Variants in CDH23 observed in about 807,000 individuals in gnomAD.
The protein encoded by CDH23 is cadherin-23.
In CDH23, 189 loss-of-function variants were observed where a neutral mutation model predicts 317.1. The observed-to-expected ratio is 0.60, with a 90% CI of 0.53 to 0.67. The LOEUF is 0.67. Among genes scored for constraint, CDH23 ranks in the 30% least tolerant of loss-of-function variants. CDH23 has a pLI of 0.00. For synonymous variants in CDH23, 1,839 were observed against 1,876.8 expected, an observed-to-expected ratio of 0.98 and a Z score of 0.52; for missense variants, 4,401 against 4,592.4, an observed-to-expected ratio of 0.96 and a Z score of 1.20.
intron 38 of CDH23, 27 bp from the exon 39 acceptor site, chr10:71,777,653 A>G: frequency 1.3e-6 from 2 of 1,586,316 alleles, no homozygotes; most frequent in African/African-American, 1.3e-5. Context: ...CCACCTGACC[A>G]AGGACGTGAC....
intron 1 of CDH23, among the ~76,000 whole-genome samples, chr10:71,432,553 T>TGC (rs1314803597): frequency 6.6e-6 from 1 of 152,036 alleles, no homozygotes; most frequent in Non-Finnish European, 1.5e-5. Context: ...TGTGTGTGTG[T>TGC]GCTTTCAGGC....
intron 6 of CDH23, among the ~76,000 whole-genome samples, chr10:71,530,377 C>T (rs924476931): frequency 6.6e-6 from 1 of 152,218 alleles, no homozygotes; most frequent in Admixed American, 6.5e-5. Context: ...GGCCTCTCAG[C>T]AGCCGGAGTC....
At chr10:71,648,861 G>A (rs1056646768) in intron 14 of CDH23, among the ~76,000 whole-genome samples, 2 of 152,122 alleles carry the variant, frequency 1.3e-5, no homozygotes, top group Admixed American at 1.3e-4. Flanking sequence ...CAGCCCCAGG[G>A]TTTATGAAGC....
chr10:71,458,060 T>C (rs1229973031), intron 3 of CDH23, among the ~76,000 whole-genome samples: 1 of 152,120 alleles, frequency 6.6e-6, no homozygotes, highest in Non-Finnish European at 1.5e-5. Flanking sequence ...GGCAAAGGTG[T>C]AATTTACAAG....
chr10:71,524,572 GC>G (rs1854916295), intron 6 of CDH23, among the ~76,000 whole-genome samples: 1 of 152,150 alleles, frequency 6.6e-6, no homozygotes, highest in Non-Finnish European at 1.5e-5. Flanking sequence ...ATGCCCCCTT[GC>G]CCACCAAAGA....
rs202041733 is a variant in CDH23, at chr10:71,798,614, CAT to C, written c.7054+41_7054+42del. On this transcript the variant is annotated intron_variant, in intron 50 of 69. Transcript: ENST00000224721. Reference sequence around the variant, plus strand: ...AATCTGTCAGAGGAGGGCTGGGGGACATATATCTCTGCTTGCTTAGTCCCCAA... The same window carrying C: ...AATCTGTCAGAGGAGGGCTGGGGGACATATCTCTGCTTGCTTAGTCCCCAA... The C allele has an allele frequency of 1.8e-4, 270 of 1,502,700 alleles. 5 individuals carry two copies. The African/African-American group carries it at 1.9e-3, about 11-fold the overall frequency. 93.1% of individuals were successfully genotyped at this position (1,502,700 alleles called of 1,614,324 possible).
chr10:71,601,443 G>A (rs1415469405), intron 9 of CDH23, among the ~76,000 whole-genome samples: 4 of 152,178 alleles, frequency 2.6e-5, no homozygotes, highest in Admixed American at 6.5e-5. Context: ...TATGGTTAAA[G>A]AAACGCAAGC....
At chr10:71,535,874 G>A (rs758312653) in intron 6 of CDH23, among the ~76,000 whole-genome samples, 8 of 152,218 alleles carry the variant, frequency 5.3e-5, no homozygotes, top group East Asian at 1.9e-4. Context: ...CTCTCCACAC[G>A]GTGTTGAGTT....
chr10:71,733,346 T>C (rs1478824540), intron 32 of CDH23, among the ~76,000 whole-genome samples: 1 of 152,234 alleles, frequency 6.6e-6, no homozygotes, highest in Admixed American at 6.5e-5. Context: ...GGGATGTCTA[T>C]GGAGGCTTCA....
At chr10:71,638,429 G>A (rs779161361) in intron 11 of CDH23, among the ~76,000 whole-genome samples, 2 of 152,182 alleles carry the variant, frequency 1.3e-5, no homozygotes, top group African/African-American at 2.4e-5. Context: ...TGCAGGCCTC[G>A]TTGTGCTGGA....
At chr10:71,743,387 C>T (rs1431962099) in intron 38 of CDH23, among the ~76,000 whole-genome samples, 2 of 152,102 alleles carry the variant, frequency 1.3e-5, no homozygotes, top group Non-Finnish European at 2.9e-5. Context: ...CTGGGCAGGG[C>T]TCTTTGTCTG....
chr10:71,716,395 A>T, intron 28 of CDH23: 2 of 1,417,390 alleles, frequency 1.4e-6, no homozygotes, highest in Non-Finnish European at 1.9e-6. Flanking sequence ...GACCCAGGGC[A>T]GCGGGTATAG....
At chr10:71,792,707 A>G (rs1428374529) in intron 47 of CDH23, among the ~76,000 whole-genome samples, 1 of 151,148 alleles carries the variant, frequency 6.6e-6, no homozygotes, top group Non-Finnish European at 1.5e-5. Flanking sequence ...CTGTAATCCC[A>G]GCTACTCAGG....
At chr10:71,765,980 G>A (rs1564783569) in intron 38 of CDH23, among the ~76,000 whole-genome samples, 1 of 152,108 alleles carries the variant, frequency 6.6e-6, no homozygotes, top group Non-Finnish European at 1.5e-5. Context: ...CTGGGACAAG[G>A]CCCACAGCAG....
At chr10:71,723,327 G>A (rs1251589483) in intron 28 of CDH23, among the ~76,000 whole-genome samples, 1 of 152,146 alleles carries the variant, frequency 6.6e-6, no homozygotes, top group Non-Finnish European at 1.5e-5. Context: ...GGTCAGCTAT[G>A]GTTCTGCCAG....
chr10:71,610,923 C>G (rs898864956), intron 9 of CDH23, among the ~76,000 whole-genome samples: 1 of 151,998 alleles, frequency 6.6e-6, no homozygotes. Flanking sequence ...CAGCCACCAC[C>G]CCACCCCAAA....
intron 38 of CDH23, among the ~76,000 whole-genome samples, chr10:71,744,083 C>T (rs1314791210): frequency 2.0e-5 from 3 of 152,140 alleles, no homozygotes; most frequent in Non-Finnish European, 4.4e-5. Flanking sequence ...CACGTGGGCA[C>T]CCTAGCTGCA....
chr10:71,707,097 C>T (rs1365131331), intron 26 of CDH23, 48 bp downstream of exon 26: 1 of 1,570,226 alleles, frequency 6.4e-7, no homozygotes, highest in Non-Finnish European at 8.6e-7. Context: ...TGGGGCCCTG[C>T]CTCCACCCCT....
At chr10:71,406,916 A>G (rs925480131) in intron 1 of CDH23, among the ~76,000 whole-genome samples, 2 of 152,244 alleles carry the variant, frequency 1.3e-5, no homozygotes, top group African/African-American at 4.8e-5. Flanking sequence ...CAGAGCTGAC[A>G]GTAGTAATGA....
Sources: allele counts gnomAD v4.1 joint callset (sites outside exome capture counted in the v4.1 genomes callset), GRCh38; gene constraint gnomAD v4.1.1; transcripts MANE v1.5; gene names NCBI Gene and HGNC (gene_info 2026-07-23, HGNC 2026-07-21).